GALC: variants seen among roughly 807,000 people sequenced by gnomAD.
The protein encoded by GALC is galactosylceramidase.
GALC carries 77 observed loss-of-function variants against 91.8 expected under a neutral mutation model. The ratio of observed to expected loss-of-function variants is 0.84; its 90% CI spans 0.70 to 1.01. GALC has a LOEUF of 1.01. Among genes scored for constraint, GALC ranks in the 50% least tolerant of loss-of-function variants. The probability of loss-of-function intolerance (pLI) is 0.00; values close to 1 mark genes in which losing one functional copy is unlikely to be tolerated. For missense variants in GALC, 882 were observed against 855.9 expected (o/e 1.03, Z -0.38); for synonymous variants, 357 against 306.7 (o/e 1.16, Z -1.71).
chr14:87,990,453 G>GT (rs779682803), intron 1 of GALC, among the ~76,000 whole-genome samples: 4 of 152,178 alleles, frequency 2.6e-5, no homozygotes, highest in Non-Finnish European at 5.9e-5. Context: ...CTGGCACATA[G>GT]TAAGTTCTCA....
At chr14:87,940,085 T>A in intron 15 of GALC, 104 bp from the exon 16 acceptor site, 4 of 904,124 alleles carry the variant, frequency 4.4e-6, no homozygotes, top group Middle Eastern at 3.0e-4. Flanking sequence ...TGTAGTAAAG[T>A]CAGCCTCAAC....
intron 14 of GALC, among the ~76,000 whole-genome samples, chr14:87,943,010 A>G (rs1884921760): frequency 6.6e-6 from 1 of 152,060 alleles, no homozygotes; most frequent in South Asian, 2.1e-4. Flanking sequence ...GCACCATAAA[A>G]TTATTCTATT....
chr14:87,991,591 C>G (rs573208642), intron 1 of GALC, among the ~76,000 whole-genome samples: 1 of 152,312 alleles, frequency 6.6e-6, no homozygotes, highest in South Asian at 2.1e-4. Context: ...ACTGGCACAA[C>G]CTGGGCTAGG....
At chr14:87,979,000 T>C (rs938852159) in intron 6 of GALC, among the ~76,000 whole-genome samples, 1 of 152,162 alleles carries the variant, frequency 6.6e-6, no homozygotes, top group East Asian at 1.9e-4. Flanking sequence ...AGCACCTACA[T>C]TCGTCATTAT....
intron 10 of GALC, chr14:87,952,442 A>T (rs1040096987): frequency 2.0e-5 from 9 of 461,126 alleles, no homozygotes; most frequent in African/African-American, 1.7e-4. Context: ...GGTGAAAAGA[A>T]AAAAGAAACC....
chr14:87,979,791 C>T (rs1355205585), intron 6 of GALC, among the ~76,000 whole-genome samples: 1 of 152,194 alleles, frequency 6.6e-6, no homozygotes, highest in African/African-American at 2.4e-5. Flanking sequence ...TGTAGCAACA[C>T]CATCTACCTC....
At chr14:87,984,298 T>C (rs1344019915) in intron 5 of GALC, 96 bp downstream of exon 5, 2 of 1,237,706 alleles carry the variant, frequency 1.6e-6, no homozygotes, top group African/African-American at 3.0e-5. Flanking sequence ...CCTCATGGCA[T>C]AAAATGGTTA....
chr14:87,954,660 T>C (rs1885446566), intron 10 of GALC: 1 of 1,572,928 alleles, frequency 6.4e-7, no homozygotes, highest in South Asian at 1.1e-5. Flanking sequence ...TGTTCAGGAG[T>C]GGTTCTAATT....
At chr14:87,953,810 G>A in intron 10 of GALC, 1 of 1,607,786 alleles carries the variant, frequency 6.2e-7, no homozygotes, top group Non-Finnish European at 8.5e-7. Flanking sequence ...CTAAAAGCCA[G>A]AAGTATGATT....
At chr14:87,952,705 T>C in intron 10 of GALC, 8 of 1,511,910 alleles carry the variant, frequency 5.3e-6, no homozygotes, top group South Asian at 1.1e-5. Context: ...CTCCAGATCT[T>C]AGTGGTCATT....
intron 10 of GALC, among the ~76,000 whole-genome samples, chr14:87,959,068 G>C (rs964260119): frequency 1.3e-5 from 2 of 152,032 alleles, no homozygotes; most frequent in African/African-American, 2.4e-5. Context: ...GGAAATATTT[G>C]CAAATTATAC....
chr14:87,961,210 ATCCCCACATCATTAG>A (rs1885786705), intron 10 of GALC, among the ~76,000 whole-genome samples: 4 of 152,232 alleles, frequency 2.6e-5, no homozygotes, highest in Admixed American at 1.3e-4. Context: ...ACATGAAAAG[ATCCCCACATCATTAG>A]TCCCTAGGAA....
intron 10 of GALC, chr14:87,954,224 G>A (rs560304180): frequency 1.9e-6 from 3 of 1,543,584 alleles, no homozygotes; most frequent in Admixed American, 1.7e-5. Context: ...CTCAGAGGGT[G>A]AACAGTATAG....
intron 10 of GALC, among the ~76,000 whole-genome samples, chr14:87,961,611 G>C (rs1013547613): frequency 2.6e-5 from 4 of 152,164 alleles, no homozygotes; most frequent in African/African-American, 4.8e-5. Flanking sequence ...TGTAGAAGCA[G>C]GAAGTTTACT....
Position 87,933,328 on chromosome 14 carries a change from G to T in GALC, c.*1404C>A, listed in dbSNP as rs1369239317. 6.6e-6 allele frequency: 1 copy of T among 152,540 alleles called. No homozygotes were observed. Among genetic ancestry groups the T allele is most frequent in the Admixed American group, 6.6e-5 (1 of 15,254 alleles). 9.4% of individuals were successfully genotyped at this position (152,540 alleles called of 1,614,324 possible). A position where few individuals can be genotyped will look rare whatever the true frequency, so the allele number is the denominator to read the frequency against. ...CAGGTATACAAGAGAACCTTCTGGG[G>T]TGATGGAAATATTCTGAAGCTTGAC... On this transcript the variant is annotated 3_prime_UTR_variant, in exon 17 of 17. Transcript: ENST00000261304.
At chr14:87,985,524 A>G (rs1334316819) in intron 4 of GALC, among the ~76,000 whole-genome samples, 1 of 152,240 alleles carries the variant, frequency 6.6e-6, no homozygotes, top group African/African-American at 2.4e-5. Context: ...TGCTGAATTC[A>G]GTGATGCTTT....
At chr14:87,937,368 AG>A (rs1172516718) in intron 16 of GALC, among the ~76,000 whole-genome samples, 1 of 151,262 alleles carries the variant, frequency 6.6e-6, no homozygotes, top group Non-Finnish European at 1.5e-5. Flanking sequence ...AGCCAGGTCA[AG>A]GTGACAATGG....
chr14:87,967,567 A>G (rs1360877893), intron 8 of GALC, among the ~76,000 whole-genome samples: 6 of 152,214 alleles, frequency 3.9e-5, no homozygotes, highest in African/African-American at 1.4e-4. Flanking sequence ...GAATCTATTC[A>G]CAATTCAAGT....
chr14:87,968,241 CT>C, intron 8 of GALC, 93 bp downstream of exon 8: 1 of 1,045,326 alleles, frequency 9.6e-7, no homozygotes, highest in Non-Finnish European at 1.4e-6. Flanking sequence ...ATCATTGAAT[CT>C]AGGCTGGAAG....
Sources: gnomAD v4.1 joint callset for allele counts (sites outside exome capture counted in the v4.1 genomes callset) on GRCh38, gnomAD v4.1.1 for gene constraint, MANE v1.5 for transcripts, NCBI Gene and HGNC (gene_info 2026-07-23, HGNC 2026-07-21) for gene names.